The following SNCAIP variants were observed in gnomAD, a reference collection of about 807,000 sequenced individuals.
SNCAIP encodes the protein synphilin-1.
Under a neutral mutation model 86.7 loss-of-function variants are expected in SNCAIP, and 43 were observed. The observed-to-expected ratio is 0.50, with a 90% CI of 0.39 to 0.64. SNCAIP has a LOEUF of 0.64. Ranked by LOEUF, SNCAIP falls within the 30% of genes least tolerant of loss-of-function variation. SNCAIP has a pLI of 0.00. For missense variants in SNCAIP, 981 were observed against 1,103.1 expected (o/e 0.89, Z 1.57); for synonymous variants, 417 against 427.2 (o/e 0.98, Z 0.29).
intron 1 of SNCAIP, among the ~76,000 whole-genome samples, chr5:122,344,274 A>G (rs190909590): frequency 5.3e-4 from 80 of 152,340 alleles, no homozygotes; most frequent in African/African-American, 1.8e-3. Flanking sequence ...AATTATTTAG[A>G]GACACTTGCT....
intron 1 of SNCAIP, among the ~76,000 whole-genome samples, chr5:122,380,408 G>A (rs955701559): frequency 1.3e-5 from 2 of 151,710 alleles, no homozygotes; most frequent in African/African-American, 4.9e-5. Context: ...ATTTTTTATT[G>A]TGTCTATTTG....
At chr5:122,351,350 A>G (rs1035955305) in intron 1 of SNCAIP, among the ~76,000 whole-genome samples, 2 of 152,018 alleles carry the variant, frequency 1.3e-5, no homozygotes, top group African/African-American at 4.8e-5. Flanking sequence ...CAGCCTGGCC[A>G]ACATGGCGAA....
At position 122,441,064 on chromosome 5, in the gene SNCAIP, C is replaced by T. The variant is rs1460389412; in HGVS notation, c.1422+310C>T. The T allele has an allele frequency of 1.4e-5, 4 of 295,714 alleles. No homozygotes were observed. In the East Asian group the frequency reaches 3.0e-4, roughly 22 times the overall value. 18.3% of individuals were successfully genotyped at this position (295,714 alleles called of 1,614,324 possible). On this transcript the variant is annotated intron_variant, in intron 7 of 10. Coordinates refer to ENST00000261368, the MANE Select transcript of SNCAIP (RefSeq NM_005460.4). Reference sequence around the variant, plus strand: ...AAATTTCCCCATGTTCTCAAGGCACCAGAGAAACCACTACCAGGCAGACAT... The same window carrying T: ...AAATTTCCCCATGTTCTCAAGGCACTAGAGAAACCACTACCAGGCAGACAT...
rs766240948 is a variant in SNCAIP, at chr5:122,450,575, T to G, written c.1728T>G (p.Ser576=). Residue 576 remains serine (S), a synonymous_variant, in exon 10 of 11, where the codon TCT becomes TCG. Coordinates refer to ENST00000261368, the MANE Select transcript of SNCAIP (RefSeq NM_005460.4). ...CCTCCAGAAAGTCCCAGTGGAAATCTCCAGATGCAGATGATGATTCTGTAG... is the reference window on the plus strand; with the variant it reads ...CCTCCAGAAAGTCCCAGTGGAAATCGCCAGATGCAGATGATGATTCTGTAG... ...SPASRKSQWK[S]PDADDDSVAK... is the part of the protein sequence containing the mutation. 6.2e-7 allele frequency: 1 copy of G among 1,614,098 alleles called. No individual in the cohort carries two copies. The highest frequency in any genetic ancestry group is 1.1e-5 in the South Asian group (1 of 91,078).
At position 122,396,808 on chromosome 5, in the gene SNCAIP, A is replaced by G. The variant is rs1770713835; in HGVS notation, c.57+5617A>G. Among the ~76,000 whole-genome samples the G allele has an allele frequency of 2.0e-5, 3 of 152,184 alleles. No homozygotes were observed. The South Asian group carries it at 6.2e-4, about 31-fold the overall frequency. On this transcript the variant is annotated intron_variant, in intron 2 of 10. Transcript: ENST00000261368. ...GACAGTGATTGATTATTGGCTCACA[A>G]TTAAAAATAGACTATCATTGAAGTT...
chr5:122,341,231 T>C (rs1361424507), intron 1 of SNCAIP, among the ~76,000 whole-genome samples: 1 of 152,212 alleles, frequency 6.6e-6, no homozygotes, highest in African/African-American at 2.4e-5. Flanking sequence ...ATACAGAGCT[T>C]ACAGGTTGAA....
chr5:122,332,791 T>C (rs1440876974), intron 1 of SNCAIP, among the ~76,000 whole-genome samples: 1 of 152,206 alleles, frequency 6.6e-6, no homozygotes, highest in Non-Finnish European at 1.5e-5. Context: ...GCAGCAGTTG[T>C]GCTTAAGGGC....
chr5:122,361,374 C>G (rs1292285353), intron 1 of SNCAIP, among the ~76,000 whole-genome samples: 1 of 152,124 alleles, frequency 6.6e-6, no homozygotes, highest in Non-Finnish European at 1.5e-5. Context: ...CTTTCTCTGA[C>G]CTCGTGAATC....
chr5:122,358,451 C>T (rs1761561514), intron 1 of SNCAIP, among the ~76,000 whole-genome samples: 1 of 147,176 alleles, frequency 6.8e-6, no homozygotes, highest in African/African-American at 2.5e-5. Flanking sequence ...TGCCATTGTT[C>T]ACCTTGTGTC....
intron 5 of SNCAIP, among the ~76,000 whole-genome samples, 160 bp from the exon 6 acceptor site, chr5:122,431,809 G>T (rs552197055): frequency 6.6e-6 from 1 of 152,174 alleles, no homozygotes; most frequent in South Asian, 2.1e-4. Flanking sequence ...CACAGATCAG[G>T]AATATAATAG....
At chr5:122,388,626 A>G (rs1330730016) in intron 1 of SNCAIP, 3 of 152,256 alleles carry the variant, frequency 2.0e-5, no homozygotes, top group Non-Finnish European at 4.4e-5. Flanking sequence ...AAGAGGAGGC[A>G]TTGTATTGGC....
intron 1 of SNCAIP, among the ~76,000 whole-genome samples, chr5:122,338,495 A>G (rs1161067235): frequency 1.3e-5 from 2 of 152,174 alleles, no homozygotes; most frequent in Non-Finnish European, 1.5e-5. Flanking sequence ...TTAATAATTT[A>G]TTACTTTTTT....
At chr5:122,357,102 A>G (rs902223881) in intron 1 of SNCAIP, among the ~76,000 whole-genome samples, 2 of 152,064 alleles carry the variant, frequency 1.3e-5, no homozygotes, top group Non-Finnish European at 2.9e-5. Flanking sequence ...TTTCTCTGCT[A>G]AGGTCACTCC....
rs773311329 is a variant in SNCAIP, at chr5:122,422,970, G to T, written c.233G>T (p.Arg78Leu). The T allele has an allele frequency of 1.2e-6, 2 of 1,614,164 alleles. No homozygotes were observed. The highest frequency in any genetic ancestry group is 2.2e-5 in the South Asian group (2 of 91,080). ...DVYSKFRPVK[R>L]VSPLKHQPET... is the part of the protein sequence containing the mutation. Reference sequence around the variant, plus strand: ...TACAGTAAGTTCCGCCCAGTGAAGCGGGTTTCGCCACTGAAACATCAGCCA... The same window carrying T: ...TACAGTAAGTTCCGCCCAGTGAAGCTGGTTTCGCCACTGAAACATCAGCCA... Residue 78 changes from arginine (R) to leucine (L), a missense_variant, in exon 4 of 11, where the codon CGG becomes CTG. Physicochemically the swap from Arg to Leu is moderately radical, Grantham distance 102. Coordinates refer to ENST00000261368, the MANE Select transcript of SNCAIP (RefSeq NM_005460.4).
At chr5:122,385,547 C>T (rs1349318703) in intron 1 of SNCAIP, among the ~76,000 whole-genome samples, 1 of 152,196 alleles carries the variant, frequency 6.6e-6, no homozygotes, top group Non-Finnish European at 1.5e-5. Flanking sequence ...CCCAGACCTT[C>T]CAGTACTTAT....
chr5:122,413,538 C>T (rs1774590299), intron 3 of SNCAIP, among the ~76,000 whole-genome samples: 1 of 151,966 alleles, frequency 6.6e-6, no homozygotes, highest in South Asian at 2.1e-4. Flanking sequence ...TTTTTATTTA[C>T]CTGTGTACTT....
chr5:122,356,754 A>T (rs1477978498), intron 1 of SNCAIP, among the ~76,000 whole-genome samples: 6 of 152,112 alleles, frequency 3.9e-5, no homozygotes, highest in Non-Finnish European at 1.5e-5. Flanking sequence ...ACCACATGTC[A>T]TCTGTCACCA....
At chr5:122,432,701 C>T (rs1778645513) in intron 6 of SNCAIP, among the ~76,000 whole-genome samples, 1 of 152,040 alleles carries the variant, frequency 6.6e-6, no homozygotes, top group Admixed American at 6.6e-5. Flanking sequence ...CAATCAATTT[C>T]CACATTAGGA....
intron 10 of SNCAIP, among the ~76,000 whole-genome samples, chr5:122,457,371 C>T (rs142567686): frequency 5.3e-5 from 8 of 152,316 alleles, no homozygotes; most frequent in Non-Finnish European, 8.8e-5. Flanking sequence ...CTGCTGGCAT[C>T]AGGCTGCATG....
Sources: gnomAD v4.1 joint callset for allele counts (sites outside exome capture counted in the v4.1 genomes callset) on GRCh38, gnomAD v4.1.1 for gene constraint, MANE v1.5 for transcripts, NCBI Gene and HGNC (gene_info 2026-07-23, HGNC 2026-07-21) for gene names.